Variants in CCDC15 observed in about 807,000 individuals in gnomAD.
CCDC15 encodes coiled-coil domain containing 15.
Under a neutral mutation model 114.5 loss-of-function variants are expected in CCDC15, and 105 were observed. The ratio of observed to expected loss-of-function variants is 0.92; its 90% CI spans 0.78 to 1.08. CCDC15 has a LOEUF of 1.08. CCDC15 is among the 50% of genes least tolerant of loss of function. CCDC15 has a pLI of 0.00. For synonymous variants in CCDC15, 334 were observed against 377.8 expected (o/e 0.88, Z 1.34); for missense variants, 1,105 against 1,093.6 (o/e 1.01, Z -0.15).
At chr11:125,031,067 A>G (rs560027489) in intron 13 of CCDC15, among the ~76,000 whole-genome samples, 4 of 152,190 alleles carry the variant, frequency 2.6e-5, no homozygotes, top group African/African-American at 9.7e-5. Context: ...GCTACAGCCC[A>G]CAAGTCAGTA....
At chr11:124,983,991 G>A (rs899707440) in intron 6 of CCDC15, among the ~76,000 whole-genome samples, 5 of 152,112 alleles carry the variant, frequency 3.3e-5, no homozygotes, top group Middle Eastern at 3.2e-3. Context: ...CCAGGTAGGC[G>A]TTCATGTGCA....
At chr11:125,015,458 T>C (rs1391269909) in intron 13 of CCDC15, among the ~76,000 whole-genome samples, 2 of 152,152 alleles carry the variant, frequency 1.3e-5, no homozygotes, top group African/African-American at 2.4e-5. Context: ...TATAAACAAC[T>C]TTACATTTTA....
chr11:124,990,478 A>G (rs1207533770), intron 8 of CCDC15, among the ~76,000 whole-genome samples: 1 of 152,220 alleles, frequency 6.6e-6, no homozygotes, highest in Non-Finnish European at 1.5e-5. Flanking sequence ...TATGATTGCC[A>G]CAAACCTTCA....
chr11:124,978,642 C>T (rs1425380828), intron 6 of CCDC15, among the ~76,000 whole-genome samples: 1 of 152,000 alleles, frequency 6.6e-6, no homozygotes, highest in Non-Finnish European at 1.5e-5. Flanking sequence ...CTGTTAATAT[C>T]CTTTGCCCTC....
intron 5 of CCDC15, among the ~76,000 whole-genome samples, 157 bp from the exon 6 acceptor site, chr11:124,977,321 A>G (rs1269480293): frequency 1.8e-4 from 28 of 152,172 alleles, no homozygotes; most frequent in Non-Finnish European, 1.8e-4. Flanking sequence ...CTTTGTTTGT[A>G]CATATGAAGT....
At chr11:124,973,462 C>T (rs573427998) in intron 4 of CCDC15, among the ~76,000 whole-genome samples, 4 of 151,492 alleles carry the variant, frequency 2.6e-5, no homozygotes, top group Admixed American at 1.3e-4. Flanking sequence ...AGAAGTCTTC[C>T]GCTTGGCAAA....
chr11:125,005,088 A>AT, intron 12 of CCDC15, 21 bp from the exon 13 acceptor site: 2 of 1,167,052 alleles, frequency 1.7e-6, no homozygotes, highest in Non-Finnish European at 2.4e-6. Context: ...AATCTTAGTA[A>AT]TTTTAACTTC....
intron 13 of CCDC15, among the ~76,000 whole-genome samples, chr11:125,033,297 A>G (rs1173165309): frequency 6.6e-6 from 1 of 152,336 alleles, no homozygotes; most frequent in South Asian, 2.1e-4. Flanking sequence ...AGAGCTCTGC[A>G]TAAGTCAAAC....
intron 2 of CCDC15, among the ~76,000 whole-genome samples, chr11:124,955,124 A>T (rs1476708993): frequency 6.6e-6 from 1 of 152,226 alleles, no homozygotes; most frequent in African/African-American, 2.4e-5. Flanking sequence ...TTACTCACCT[A>T]CTATAATATA....
In CCDC15 at chr11:124,969,606, A is replaced by G. The variant is rs111610361; in HGVS notation, c.517-5490A>G. ...TCTCTCTTTACAGTGCTAGTTTTCC[A>G]GCTTTTTAAAACCATGGAAATAATT... On this transcript the variant is annotated intron_variant, in intron 4 of 15. Transcript: ENST00000344762. 8.3e-3 allele frequency among the ~76,000 whole-genome samples: 1,262 copies of G among 152,236 alleles called. 19 individuals are homozygous for G. The highest frequency in any genetic ancestry group is 0.029 in the African/African-American group (1,201 of 41,540).
chr11:125,016,939 G>A (rs150846580), intron 13 of CCDC15, among the ~76,000 whole-genome samples: 6 of 152,192 alleles, frequency 3.9e-5, no homozygotes, highest in Middle Eastern at 6.8e-3. Flanking sequence ...AAATATGAAG[G>A]ACTGATTGCT....
At chr11:125,007,005 A>G (rs117852948) in intron 13 of CCDC15, among the ~76,000 whole-genome samples, 2,109 of 152,302 alleles carry the variant, frequency 0.014, 22 homozygotes, top group South Asian at 0.047. Context: ...ATAACATGCA[A>G]TGTATATGAT....
intron 11 of CCDC15, among the ~76,000 whole-genome samples, chr11:124,995,196 T>C (rs1591598053): frequency 6.6e-6 from 1 of 152,164 alleles, no homozygotes; most frequent in East Asian, 1.9e-4. Context: ...TTTTTCTTCA[T>C]AAAGTCGGTC....
intron 13 of CCDC15, among the ~76,000 whole-genome samples, chr11:125,017,057 T>C (rs989969711): frequency 1.2e-4 from 18 of 152,322 alleles, no homozygotes; most frequent in African/African-American, 4.3e-4. Context: ...ATGCCTTCTT[T>C]GCATGGAAGT....
chr11:124,988,355 C>G (rs1042164637), intron 8 of CCDC15, among the ~76,000 whole-genome samples: 2 of 152,118 alleles, frequency 1.3e-5, no homozygotes, highest in Non-Finnish European at 2.9e-5. Context: ...TATTAGTGTG[C>G]AATAGCATAA....
chr11:124,986,737 TTTAGGAACTTGACTA>T lies in CCDC15; in HGVS notation c.754-3_765del, dbSNP rs1278727039. Reference sequence around the variant, plus strand: ...CGTGCGCGTTTTCATTGTTTTTTTCTTTAGGAACTTGACTATGAGGAACCTGACTATGAGGAATCT... The same window carrying T: ...CGTGCGCGTTTTCATTGTTTTTTTCTTGAGGAACCTGACTATGAGGAATCT... On this transcript the variant is annotated splice_acceptor_variant and splice_polypyrimidine_tract_variant and coding_sequence_variant and intron_variant, in exon 7 of 16. Coordinates refer to ENST00000344762, the MANE Select transcript of CCDC15 (RefSeq NM_025004.3). LOFTEE classifies it high-confidence loss of function. 1 of 1,537,348 alleles carries T rather than the reference TTTAGGAACTTGACTA, an allele frequency of 6.5e-7. No individual in the cohort carries two copies. Among genetic ancestry groups the T allele is most frequent in the African/African-American group, 1.4e-5 (1 of 71,178 alleles).
At chr11:124,992,723 C>G in intron 10 of CCDC15, 36 bp downstream of exon 10, 1 of 1,164,762 alleles carries the variant, frequency 8.6e-7, no homozygotes. Context: ...TGTATACCTT[C>G]TAAAAGGGGA....
chr11:124,987,909 T>C lies in CCDC15; in HGVS notation c.1683T>C (p.Asp561=), dbSNP rs1948202091. 3 of 1,613,692 alleles carry C rather than the reference T, an allele frequency of 1.9e-6. No homozygotes were observed. The highest frequency in any genetic ancestry group is 2.5e-6 in the Non-Finnish European group (3 of 1,179,852). ...TTCTACCCAAATGTCAGGACCAGGA[T>C]TTTCTACCCAGAGACCAAGGTGTTC... The part of the protein sequence containing the change: ...WNILPKCQDQ[D]FLPRDQGVLP... Residue 561 remains aspartate, a synonymous_variant, in exon 8 of 16, where the codon GAT becomes GAC. Transcript: ENST00000344762.
intron 2 of CCDC15, among the ~76,000 whole-genome samples, chr11:124,956,915 C>T (rs1232689494): frequency 6.6e-6 from 1 of 152,152 alleles, no homozygotes; most frequent in Non-Finnish European, 1.5e-5. Flanking sequence ...GGAACTTCTA[C>T]TCATTTTTCT....
Sources: allele counts gnomAD v4.1 joint callset (sites outside exome capture counted in the v4.1 genomes callset), GRCh38; gene constraint gnomAD v4.1.1; transcripts MANE v1.5; gene names NCBI Gene and HGNC (gene_info 2026-07-23, HGNC 2026-07-21).